Variants in TBC1D2B observed in about 807,000 individuals in gnomAD.
TBC1D2B encodes TBC1 domain family, member 2B.
A neutral mutation model predicts 100.8 loss-of-function variants in TBC1D2B; 64 were observed. The ratio of observed to expected loss-of-function variants is 0.64; its 90% CI spans 0.52 to 0.78. The LOEUF (loss-of-function observed/expected upper bound fraction) is 0.78. Among genes scored for constraint, TBC1D2B ranks in the 30% least tolerant of loss-of-function variants. The pLI is 0.00. For missense variants in TBC1D2B, 1,052 were observed against 1,218.4 expected (o/e 0.86, Z 2.03); for synonymous variants, 480 against 479.7 (o/e 1.00, Z -0.01).
chr15:78,056,686 CTTTTTTTTT>C (rs368714497), intron 1 of TBC1D2B, among the ~76,000 whole-genome samples: 39 of 112,918 alleles, frequency 3.5e-4, no homozygotes, highest in African/African-American at 1.2e-3. Flanking sequence ...CAGTCCTCCT[CTTTTTTTTT>C]TTTTTTTTTT....
At chr15:78,014,930 G>A (rs189606519) in intron 8 of TBC1D2B, among the ~76,000 whole-genome samples, 52 of 152,278 alleles carry the variant, frequency 3.4e-4, no homozygotes, top group South Asian at 4.1e-4. Context: ...GGCTGGGTGC[G>A]GTGGCTGACA....
At chr15:78,046,184 G>A (rs866439006) in intron 2 of TBC1D2B, among the ~76,000 whole-genome samples, 2 of 152,094 alleles carry the variant, frequency 1.3e-5, no homozygotes, top group African/African-American at 2.4e-5. Context: ...CACCCGTCTC[G>A]GCCTCCCAAA....
intron 2 of TBC1D2B, among the ~76,000 whole-genome samples, chr15:78,047,396 A>G (rs1188069585): frequency 6.6e-6 from 1 of 152,192 alleles, no homozygotes; most frequent in Admixed American, 6.5e-5. Context: ...GGAGAGAGAC[A>G]TAAGTAAAAC....
At chr15:78,032,733 C>T (rs565049604) in intron 3 of TBC1D2B, among the ~76,000 whole-genome samples, 163 of 150,980 alleles carry the variant, frequency 1.1e-3, no homozygotes, top group African/African-American at 3.8e-3. Context: ...GAAAAACATG[C>T]TAAATGGGAA....
chr15:78,033,275 C>T (rs1407080947), intron 3 of TBC1D2B, among the ~76,000 whole-genome samples: 1 of 152,146 alleles, frequency 6.6e-6, no homozygotes, highest in Non-Finnish European at 1.5e-5. Flanking sequence ...TACGCACACA[C>T]ATACATACTT....
intron 8 of TBC1D2B, among the ~76,000 whole-genome samples, chr15:78,015,463 G>T (rs1424120824): frequency 6.6e-6 from 1 of 152,160 alleles, no homozygotes; most frequent in Non-Finnish European, 1.5e-5. Context: ...AATATAAATA[G>T]TAAGAGCACA....
chr15:78,010,343 G>A (rs2072191259), intron 9 of TBC1D2B, among the ~76,000 whole-genome samples: 1 of 152,172 alleles, frequency 6.6e-6, no homozygotes, highest in Admixed American at 6.5e-5. Flanking sequence ...CAGCAGGATG[G>A]AAAGGAAGAG....
At chr15:78,004,044 C>T (rs879432405) in intron 10 of TBC1D2B, among the ~76,000 whole-genome samples, 1 of 151,968 alleles carries the variant, frequency 6.6e-6, no homozygotes, top group Non-Finnish European at 1.5e-5. Flanking sequence ...TGGCTTTTAG[C>T]AAATTATGCT....
At position 78,030,164 on chromosome 15, in the gene TBC1D2B, C is replaced by T. The variant is rs768759170; in HGVS notation, c.690G>A (p.Ser230=). ...CTCTCCCAGGACGGAAAGAAGACAT[C>T]GAATTCCTGTTGGGAAAAACAATAT... is the stretch of plus-strand genomic sequence containing the variant. ...LKQWGNELKN[S]MSSFRPGRGH... Residue 230 remains serine (S), a synonymous_variant, in exon 4 of 13, where the codon TCG becomes TCA. Transcript: ENST00000300584. 4.4e-6 allele frequency: 7 copies of T among 1,606,016 alleles called. No homozygotes were observed. Among genetic ancestry groups the T allele is most frequent in the Admixed American group, 1.7e-5 (1 of 58,142 alleles).
intron 2 of TBC1D2B, among the ~76,000 whole-genome samples, 185 bp from the exon 3 acceptor site, chr15:78,045,253 A>G (rs1165528147): frequency 1.3e-5 from 2 of 152,240 alleles, no homozygotes; most frequent in African/African-American, 2.4e-5. Flanking sequence ...ATCTTCATCT[A>G]AACAGATCCA....
chr15:78,076,456 T>C (rs1284708365), intron 1 of TBC1D2B, among the ~76,000 whole-genome samples: 1 of 152,188 alleles, frequency 6.6e-6, no homozygotes, highest in African/African-American at 2.4e-5. Context: ...TCTTTCTGTC[T>C]ACAGTGCTAA....
At chr15:78,077,113 G>A (rs1457032452) in intron 1 of TBC1D2B, among the ~76,000 whole-genome samples, 180 bp downstream of exon 1, 1 of 152,258 alleles carries the variant, frequency 6.6e-6, no homozygotes, top group African/African-American at 2.4e-5. Context: ...ACTGGCCTAA[G>A]CCCAGATAGT....
chr15:78,026,126 A>T (rs1372383999), intron 4 of TBC1D2B, among the ~76,000 whole-genome samples: 1 of 150,170 alleles, frequency 6.7e-6, no homozygotes, highest in Non-Finnish European at 1.5e-5. Flanking sequence ...AAGCAAAAAC[A>T]CTCAAATGTA....
chr15:78,065,831 T>C (rs923226035), intron 1 of TBC1D2B, among the ~76,000 whole-genome samples: 1 of 152,000 alleles, frequency 6.6e-6, no homozygotes. Context: ...CCACCAGAGA[T>C]TTGGGAGGCA....
intron 12 of TBC1D2B, among the ~76,000 whole-genome samples, chr15:77,999,832 T>C (rs2071864552): frequency 6.6e-6 from 1 of 152,132 alleles, no homozygotes; most frequent in Non-Finnish European, 1.5e-5. Context: ...GCCTGGAAGG[T>C]TCCTCTGGGA....
At chr15:78,059,853 C>T (rs1317865500) in intron 1 of TBC1D2B, among the ~76,000 whole-genome samples, 1 of 152,118 alleles carries the variant, frequency 6.6e-6, no homozygotes, top group Non-Finnish European at 1.5e-5. Flanking sequence ...TTTCAATACA[C>T]GTATATTATG....
rs187287489 is a variant in TBC1D2B, at chr15:78,021,344, C to T, written c.1470+2812G>A. Among the ~76,000 whole-genome samples, 878 of 151,898 alleles carry T rather than the reference C, an allele frequency of 5.8e-3. 6 individuals carry two copies. The highest frequency in any genetic ancestry group is 8.8e-3 in the Non-Finnish European group (601 of 67,940). On this transcript the variant is annotated intron_variant, in intron 6 of 12. Transcript: ENST00000300584. ...ATATATCTTAAATATATATATTTTT[C>T]CACTTAGACATTTAAATTTGGAATC...
intron 4 of TBC1D2B, chr15:78,025,727 T>C (rs1209243228): frequency 5.2e-5 from 14 of 268,690 alleles, no homozygotes; most frequent in Admixed American, 3.4e-4. Flanking sequence ...GAGGTTTCAC[T>C]GTGTTAGCCA....
At chr15:78,044,358 T>G (rs1456540882) in intron 3 of TBC1D2B, among the ~76,000 whole-genome samples, 1 of 152,130 alleles carries the variant, frequency 6.6e-6, no homozygotes, top group African/African-American at 2.4e-5. Flanking sequence ...CTCAAGAGGC[T>G]GAGGCAGGAG....
Sources: gnomAD v4.1 joint callset for allele counts (sites outside exome capture counted in the v4.1 genomes callset) on GRCh38, gnomAD v4.1.1 for gene constraint, MANE v1.5 for transcripts, NCBI Gene and HGNC (gene_info 2026-07-23, HGNC 2026-07-21) for gene names.